Variants in CCSER1 observed in about 807,000 individuals in gnomAD.
CCSER1 encodes serine-rich coiled-coil domain-containing protein 1.
CCSER1 carries 41 observed loss-of-function variants against 82.0 expected under a neutral mutation model. That is an observed-to-expected ratio of 0.50 (90% confidence interval 0.39 to 0.65). The LOEUF is 0.65. CCSER1 is among the 30% of genes least tolerant of loss of function. The pLI, the probability that CCSER1 is intolerant of heterozygous loss-of-function variation, is 0.00. For missense variants in CCSER1, 1,119 were observed against 1,064.2 expected (o/e 1.05, Z -0.72); for synonymous variants, 414 against 383.9 (o/e 1.08, Z -0.92).
intron 10 of CCSER1, among the ~76,000 whole-genome samples, chr4:91,104,800 C>G (rs1025273800): frequency 4.6e-5 from 7 of 152,104 alleles, no homozygotes; most frequent in African/African-American, 1.7e-4. Flanking sequence ...CTCACATGCT[C>G]TTTACTCTGC....
chr4:90,266,244 T>G (rs1578839271), intron 1 of CCSER1, among the ~76,000 whole-genome samples: 1 of 152,282 alleles, frequency 6.6e-6, no homozygotes, highest in East Asian at 1.9e-4. Flanking sequence ...CTAACCTACC[T>G]TTCCTTTCTT....
At chr4:91,257,526 T>A (rs571254710) in intron 10 of CCSER1, among the ~76,000 whole-genome samples, 1 of 144,624 alleles carries the variant, frequency 6.9e-6, no homozygotes, top group Non-Finnish European at 1.5e-5. Flanking sequence ...TCTAGAAACA[T>A]ATCCTAATGT....
intron 10 of CCSER1, among the ~76,000 whole-genome samples, chr4:91,167,360 AT>A (rs1560485441): frequency 6.6e-6 from 1 of 151,390 alleles, no homozygotes. Flanking sequence ...TAATTTTTGT[AT>A]TTTCAGTAGA....
At chr4:91,473,329 C>G (rs112174353) in intron 10 of CCSER1, among the ~76,000 whole-genome samples, 1 of 152,172 alleles carries the variant, frequency 6.6e-6, no homozygotes, top group Admixed American at 6.6e-5. Flanking sequence ...TGAAGCAGCT[C>G]TTTGCACAGT....
intron 10 of CCSER1, among the ~76,000 whole-genome samples, chr4:91,594,192 T>C (rs1764409464): frequency 6.6e-6 from 1 of 151,902 alleles, no homozygotes; most frequent in Admixed American, 6.6e-5. Flanking sequence ...TTCAGGGATC[T>C]CAAATTCTTC....
intron 6 of CCSER1, among the ~76,000 whole-genome samples, chr4:90,674,788 C>G (rs1177248169): frequency 6.6e-6 from 1 of 151,642 alleles, no homozygotes; most frequent in African/African-American, 2.4e-5. Context: ...TGCACATTTT[C>G]TGCACATGAG....
intron 1 of CCSER1, among the ~76,000 whole-genome samples, chr4:90,305,749 G>A (rs182114531): frequency 6.6e-6 from 1 of 152,292 alleles, no homozygotes; most frequent in Admixed American, 6.5e-5. Context: ...AATTAGCACA[G>A]CCTCTATGGA....
intron 9 of CCSER1, among the ~76,000 whole-genome samples, chr4:90,983,075 C>T (rs1736266767): frequency 2.0e-5 from 3 of 151,748 alleles, no homozygotes; most frequent in Admixed American, 2.0e-4. Context: ...TTCATTCTAC[C>T]CTGCCTCCAG....
At chr4:90,174,428 A>G (rs1362606011) in intron 1 of CCSER1, among the ~76,000 whole-genome samples, 3 of 151,982 alleles carry the variant, frequency 2.0e-5, no homozygotes, top group Non-Finnish European at 4.4e-5. Flanking sequence ...ATCAGCCAAC[A>G]AAGAACAATG....
chr4:90,227,301 C>T (rs939965247), intron 1 of CCSER1, among the ~76,000 whole-genome samples: 2 of 152,222 alleles, frequency 1.3e-5, no homozygotes, highest in African/African-American at 4.8e-5. Flanking sequence ...TGTTTTACTG[C>T]ATGAGATGCC....
intron 10 of CCSER1, among the ~76,000 whole-genome samples, chr4:91,478,441 T>C (rs757892463): frequency 1.3e-5 from 2 of 151,916 alleles, no homozygotes; most frequent in Non-Finnish European, 2.9e-5. Context: ...ACGTGATTTT[T>C]ATTTAAAAAC....
rs1354336797 is a variant in CCSER1, at chr4:90,308,856, T to A, written c.572T>A (p.Phe191Tyr). The change falls in exon 2 of 11, where the codon TTT becomes TAT. Residue 191 changes from phenylalanine to tyrosine, a missense_variant. Transcript: ENST00000509176. ...AAATCTTTTTCATCTCACTATAAAT[T>A]TTCTAAGCCAGTTCTACAGAGCCAA... ...LPKSFSSHYKFSKPVLQSQSI... is the reference protein window; with the variant it reads ...LPKSFSSHYKYSKPVLQSQSI... 6.2e-7 allele frequency: 1 copy of A among 1,613,814 alleles called. No homozygotes were observed. Among genetic ancestry groups the A allele is most frequent in the Admixed American group, 1.7e-5 (1 of 59,952 alleles).
At chr4:91,270,615 C>T (rs1207290938) in intron 10 of CCSER1, among the ~76,000 whole-genome samples, 1 of 152,142 alleles carries the variant, frequency 6.6e-6, no homozygotes, top group Non-Finnish European at 1.5e-5. Flanking sequence ...CTAATTGGCT[C>T]AGTCCTCATA....
intron 3 of CCSER1, among the ~76,000 whole-genome samples, chr4:90,387,671 ATGAGAAAC>A (rs1219562502): frequency 6.6e-6 from 1 of 152,206 alleles, no homozygotes; most frequent in Non-Finnish European, 1.5e-5. Context: ...ATGAAGCCTT[ATGAGAAAC>A]TCTGGACATT....
chr4:90,791,848 C>T (rs1580487153), intron 7 of CCSER1, among the ~76,000 whole-genome samples: 1 of 151,146 alleles, frequency 6.6e-6, no homozygotes, highest in Middle Eastern at 3.5e-3. Context: ...CACACACACA[C>T]GTTTATAAGA....
chr4:91,539,053 AT>A (rs918311006), intron 10 of CCSER1, among the ~76,000 whole-genome samples: 4 of 151,790 alleles, frequency 2.6e-5, no homozygotes, highest in African/African-American at 9.7e-5. Flanking sequence ...TTGTAGAATT[AT>A]TTTTTCTCAC....
chr4:91,392,279 A>G (rs899630287), intron 10 of CCSER1, among the ~76,000 whole-genome samples: 5 of 151,988 alleles, frequency 3.3e-5, no homozygotes, highest in African/African-American at 1.2e-4. Flanking sequence ...AGATTAAGCA[A>G]AAAAGTAGCA....
intron 6 of CCSER1, among the ~76,000 whole-genome samples, chr4:90,688,173 C>A (rs1735164640): frequency 6.6e-6 from 1 of 152,120 alleles, no homozygotes; most frequent in African/African-American, 2.4e-5. Flanking sequence ...CATCTGTATA[C>A]TTCATTAGGG....
intron 10 of CCSER1, among the ~76,000 whole-genome samples, chr4:91,186,403 C>T (rs1180427036): frequency 6.6e-6 from 1 of 152,080 alleles, no homozygotes; most frequent in Non-Finnish European, 1.5e-5. Context: ...TCTTACTCAC[C>T]ACAGGGATTG....
Sources: allele counts gnomAD v4.1 joint callset (sites outside exome capture counted in the v4.1 genomes callset), GRCh38; gene constraint gnomAD v4.1.1; transcripts MANE v1.5; gene names NCBI Gene and HGNC (gene_info 2026-07-23, HGNC 2026-07-21).